The following TRDN variants were observed in gnomAD, a reference collection of about 807,000 sequenced individuals.
TRDN encodes the protein triadin.
TRDN carries 161 observed loss-of-function variants against 149.7 expected under a neutral mutation model. The observed-to-expected ratio is 1.08, with a 90% confidence interval of 0.95 to 1.23. TRDN has a LOEUF of 1.23. TRDN is among the 50% of genes most tolerant of loss of function. TRDN has a pLI of 0.00. For missense variants in TRDN, 896 were observed against 823.5 expected (o/e 1.09, Z -1.08); for synonymous variants, 294 against 250.5 (o/e 1.17, Z -1.64).
At chr6:123,377,477 G>A (rs937787619) in intron 18 of TRDN, among the ~76,000 whole-genome samples, 1 of 152,060 alleles carries the variant, frequency 6.6e-6, no homozygotes, top group Non-Finnish European at 1.5e-5. Context: ...TAACATTTTG[G>A]GTGATTCTGA....
At chr6:123,448,722 T>G (rs1195010799) in intron 10 of TRDN, among the ~76,000 whole-genome samples, 1 of 152,114 alleles carries the variant, frequency 6.6e-6, no homozygotes, top group Non-Finnish European at 1.5e-5. Context: ...TGATGCTCTC[T>G]GGAAAGCACC....
chr6:123,313,466 T>A (rs1345529707), intron 24 of TRDN, among the ~76,000 whole-genome samples: 4 of 151,914 alleles, frequency 2.6e-5, no homozygotes, highest in African/African-American at 9.7e-5. Flanking sequence ...GAATGGAGAT[T>A]TTTGTTTGTT....
chr6:123,292,151 T>C (rs1778032319), intron 24 of TRDN, among the ~76,000 whole-genome samples: 1 of 152,206 alleles, frequency 6.6e-6, no homozygotes, highest in East Asian at 1.9e-4. Flanking sequence ...TGTCATGGTG[T>C]GCTAGAGGCA....
At position 123,443,588 on chromosome 6, in the gene TRDN, C is replaced by T. The variant is rs141667905; in HGVS notation, c.932-4585G>A. ...CAGGTGGATCACGAGGTCAGGAGAT[C>T]GAGACCATCCTGGCTAACAAGGGGA... On this transcript the variant is annotated intron_variant, in intron 10 of 40. Coordinates refer to ENST00000334268, the MANE Select transcript of TRDN (RefSeq NM_006073.4). Among the ~76,000 whole-genome samples the T allele has an allele frequency of 9.9e-5, 15 of 152,144 alleles. 1 individual carries two copies. The highest frequency in any genetic ancestry group is 9.7e-4 in the East Asian group (5 of 5,164).
intron 19 of TRDN, among the ~76,000 whole-genome samples, chr6:123,372,440 GC>G (rs1378132014): frequency 6.6e-6 from 1 of 152,072 alleles, no homozygotes; most frequent in Non-Finnish European, 1.5e-5. Context: ...GGTGAAAAAT[GC>G]CTGATTATTA....
At chr6:123,278,981 C>A in intron 25 of TRDN, 75 bp downstream of exon 25, 2 of 1,310,300 alleles carry the variant, frequency 1.5e-6, no homozygotes, top group Non-Finnish European at 2.1e-6. Flanking sequence ...TAAATAACAG[C>A]ATGCATTTAA....
chr6:123,542,678 T>A (rs557741118), intron 4 of TRDN, among the ~76,000 whole-genome samples: 3 of 152,322 alleles, frequency 2.0e-5, no homozygotes, highest in Non-Finnish European at 4.4e-5. Context: ...CAGTATTTTA[T>A]TAGTAAAATA....
intron 38 of TRDN, among the ~76,000 whole-genome samples, chr6:123,227,887 C>T (rs905740555): frequency 6.6e-6 from 1 of 151,880 alleles, no homozygotes; most frequent in Non-Finnish European, 1.5e-5. Context: ...GAGAGAGGTC[C>T]TGCCCAAGGT....
rs779034055 is a variant in TRDN, at chr6:123,570,885, T to C, written c.232+38A>G. 3 of 1,586,908 alleles carry C rather than the reference T, an allele frequency of 1.9e-6. No homozygotes were observed. The Admixed American group carries it at 5.0e-5, about 27-fold the overall frequency. On this transcript the variant is annotated intron_variant, in intron 2 of 40. Coordinates refer to ENST00000334268, the MANE Select transcript of TRDN (RefSeq NM_006073.4). ...GGGACACTGTTTCTTTCCATTTGAA[T>C]TAATTTTAATTTTAAAGCCAAATTT...
At chr6:123,315,456 T>C (rs1778989055) in intron 24 of TRDN, among the ~76,000 whole-genome samples, 1 of 151,958 alleles carries the variant, frequency 6.6e-6, no homozygotes, top group African/African-American at 2.4e-5. Flanking sequence ...TTTGATCTGA[T>C]GGCAATGCTC....
At chr6:123,456,330 A>T (rs1242293031) in intron 10 of TRDN, among the ~76,000 whole-genome samples, 5 of 152,232 alleles carry the variant, frequency 3.3e-5, no homozygotes, top group Non-Finnish European at 1.5e-5. Context: ...GAACTGATGC[A>T]CTACATGAGA....
Position 123,503,701 on chromosome 6 carries a change from C to T in TRDN, c.793+18G>A, listed in dbSNP as rs969096269. On this transcript the variant is annotated intron_variant, in intron 8 of 40. Coordinates refer to ENST00000334268, the MANE Select transcript of TRDN (RefSeq NM_006073.4). ...ATTCTCTTAGAACCTCCGGCAGCCTCCTGCTCTGAATGTTTACCTTTCTGT... is the reference window on the plus strand; with the variant it reads ...ATTCTCTTAGAACCTCCGGCAGCCTTCTGCTCTGAATGTTTACCTTTCTGT... 1 of 1,613,370 alleles carries T rather than the reference C, an allele frequency of 6.2e-7. No individual in the cohort carries two copies. The highest frequency in any genetic ancestry group is 1.3e-5 in the African/African-American group (1 of 74,906).
At chr6:123,269,784 G>T (rs1247517835) in intron 31 of TRDN, 65 bp downstream of exon 31, 4 of 1,538,960 alleles carry the variant, frequency 2.6e-6, no homozygotes, top group Non-Finnish European at 3.6e-6. Flanking sequence ...AAAAAACTAA[G>T]CAAAATTGTT....
chr6:123,247,527 G>C lies in TRDN; in HGVS notation c.1975+4885C>G, dbSNP rs1392509612. On this transcript the variant is annotated intron_variant, in intron 38 of 40. Transcript: ENST00000334268. ...GCTACAAAGAGAATAAAATATCTAG[G>C]AATACAACTAACAAGGAATGTGAAG... Among the ~76,000 whole-genome samples, 3 of 152,184 alleles carry C rather than the reference G, an allele frequency of 2.0e-5. 1 individual carries two copies. The East Asian group carries it at 5.8e-4, about 29-fold the overall frequency.
intron 2 of TRDN, among the ~76,000 whole-genome samples, chr6:123,561,372 T>C (rs1781987102): frequency 6.6e-6 from 1 of 152,240 alleles, no homozygotes; most frequent in Non-Finnish European, 1.5e-5. Flanking sequence ...GACTGGACAA[T>C]ACTTTTACCA....
intron 1 of TRDN, among the ~76,000 whole-genome samples, chr6:123,573,967 T>A (rs981820622): frequency 6.6e-6 from 1 of 152,000 alleles, no homozygotes; most frequent in Non-Finnish European, 1.5e-5. Flanking sequence ...TCTTTAGTCA[T>A]AAAATAATAC....
chr6:123,406,194 T>C (rs562975191), intron 12 of TRDN, among the ~76,000 whole-genome samples: 13 of 152,284 alleles, frequency 8.5e-5, no homozygotes, highest in Admixed American at 6.5e-4. Flanking sequence ...CCTATAAATA[T>C]TCTGAATGTT....
intron 1 of TRDN, among the ~76,000 whole-genome samples, chr6:123,632,711 C>T (rs937821191): frequency 1.3e-5 from 2 of 152,002 alleles, no homozygotes; most frequent in South Asian, 2.1e-4. Flanking sequence ...AGCTCATCCC[C>T]GCTTAAGCCA....
At chr6:123,293,921 T>A (rs1266442922) in intron 24 of TRDN, among the ~76,000 whole-genome samples, 1 of 152,090 alleles carries the variant, frequency 6.6e-6, no homozygotes, top group Non-Finnish European at 1.5e-5. Context: ...ATAGGGTTGA[T>A]TCCGGCAGGA....
Sources: allele counts gnomAD v4.1 joint callset (sites outside exome capture counted in the v4.1 genomes callset), GRCh38; gene constraint gnomAD v4.1.1; transcripts MANE v1.5; gene names NCBI Gene and HGNC (gene_info 2026-07-23, HGNC 2026-07-21).